ATXN1: variants seen among roughly 807,000 people sequenced by gnomAD.
ATXN1 encodes the protein ataxin 1.
ATXN1 carries 8 observed loss-of-function variants against 56.4 expected under a neutral mutation model. The observed-to-expected ratio is 0.14, with a 90% CI of 0.08 to 0.26. The LOEUF is 0.26. Ranked by LOEUF, ATXN1 falls within the 10% of genes least tolerant of loss-of-function variation. The probability of loss-of-function intolerance (pLI) is 1.00; values close to 1 mark genes in which losing one functional copy is unlikely to be tolerated. For synonymous variants in ATXN1, 514 were observed against 494.6 expected (o/e 1.04, Z -0.52); for missense variants, 987 against 1,106.5 (o/e 0.89, Z 1.53).
rs1314514799 is a variant in ATXN1 at position 16,761,395 on chromosome 6, G to C, written c.-827C>G. The C allele has an allele frequency of 6.6e-6, 3 of 456,602 alleles. No individual in the cohort carries two copies. The highest frequency in any genetic ancestry group is 1.4e-4 in the East Asian group (2 of 14,380). The allele number at this position is 456,602 out of a possible 1,614,324, so 28.3% of individuals were successfully genotyped here. ...GCTGTTGCTCTGGCTGCTGCTCCACGGGGCTTGTTTTGGATCCCCCTGCAG... is the reference window on the plus strand; with the variant it reads ...GCTGTTGCTCTGGCTGCTGCTCCACCGGGCTTGTTTTGGATCCCCCTGCAG... On this transcript the variant is annotated 5_prime_UTR_variant, in exon 1 of 8. Coordinates refer to ENST00000436367, the MANE Select transcript of ATXN1 (RefSeq NM_001128164.2).
At chr6:16,676,613 G>A (rs890657534) in intron 2 of ATXN1, among the ~76,000 whole-genome samples, 9 of 152,146 alleles carry the variant, frequency 5.9e-5, no homozygotes, top group Non-Finnish European at 1.2e-4. Context: ...AGTATGCCAC[G>A]ATTATGAAAG....
chr6:16,572,470 C>T (rs1762349843), intron 4 of ATXN1, among the ~76,000 whole-genome samples: 1 of 152,152 alleles, frequency 6.6e-6, no homozygotes, highest in African/African-American at 2.4e-5. Flanking sequence ...CAAGGCCATA[C>T]CTCCCCAAGA....
chr6:16,671,957 A>C (rs1758549301), intron 2 of ATXN1, among the ~76,000 whole-genome samples: 1 of 152,210 alleles, frequency 6.6e-6, no homozygotes, highest in Non-Finnish European at 1.5e-5. Flanking sequence ...CTTTGTTTTA[A>C]AATAGGTATT....
intron 7 of ATXN1, among the ~76,000 whole-genome samples, chr6:16,320,300 G>A (rs749878100): frequency 7.2e-5 from 11 of 152,184 alleles, no homozygotes; most frequent in East Asian, 5.8e-4. Context: ...ACTGCTGTAC[G>A]AGCACACACA....
At position 16,333,121 on chromosome 6, in the gene ATXN1, A is replaced by G. The variant is rs566701867; in HGVS notation, c.-160-4651T>C. The stretch of plus-strand genomic sequence containing the variant: ...GATGGAGCCTCGGAGATAAACATCT[A>G]ATATTTAGGTGATGCTCCACTGCTT... On this transcript the variant is annotated intron_variant, in intron 6 of 7. Coordinates refer to ENST00000436367, the MANE Select transcript of ATXN1 (RefSeq NM_001128164.2). Among the ~76,000 whole-genome samples the G allele has an allele frequency of 5.4e-4, 82 of 152,356 alleles. 1 individual carries two copies. Among genetic ancestry groups the G allele is most frequent in the African/African-American group, 1.8e-3 (74 of 41,588 alleles).
chr6:16,421,740 A>G (rs1759037914), intron 6 of ATXN1, among the ~76,000 whole-genome samples: 1 of 147,856 alleles, frequency 6.8e-6, no homozygotes, highest in Admixed American at 6.7e-5. Flanking sequence ...GTGCACACAA[A>G]TGCACATGTG....
intron 6 of ATXN1, among the ~76,000 whole-genome samples, chr6:16,479,642 G>A (rs929181709): frequency 6.6e-6 from 1 of 152,184 alleles, no homozygotes; most frequent in Non-Finnish European, 1.5e-5. Flanking sequence ...ACTAAACAAT[G>A]TCAACTAGTT....
At chr6:16,540,894 C>A (rs1761702111) in intron 4 of ATXN1, among the ~76,000 whole-genome samples, 2 of 152,092 alleles carry the variant, frequency 1.3e-5, no homozygotes, top group South Asian at 4.1e-4. Flanking sequence ...TCTAATTAAT[C>A]CTTAAATTGC....
intron 6 of ATXN1, among the ~76,000 whole-genome samples, chr6:16,363,929 C>T (rs149109693): frequency 1.8e-3 from 269 of 152,334 alleles, no homozygotes; most frequent in South Asian, 3.5e-3. Context: ...AAAATAAAAT[C>T]CCAACCTAAA....
intron 6 of ATXN1, among the ~76,000 whole-genome samples, chr6:16,444,202 A>G (rs1759587967): frequency 6.6e-6 from 1 of 152,150 alleles, no homozygotes; most frequent in Non-Finnish European, 1.5e-5. Flanking sequence ...TGTCCACTGG[A>G]AAGGAAAAAC....
At chr6:16,422,039 A>G (rs1581751170) in intron 6 of ATXN1, among the ~76,000 whole-genome samples, 1 of 149,516 alleles carries the variant, frequency 6.7e-6, no homozygotes, top group Non-Finnish European at 1.5e-5. Flanking sequence ...CTTTTGAAGT[A>G]TATAAGGGTT....
intron 6 of ATXN1, among the ~76,000 whole-genome samples, chr6:16,434,161 T>C (rs1175894040): frequency 6.6e-6 from 1 of 152,206 alleles, no homozygotes; most frequent in Non-Finnish European, 1.5e-5. Context: ...CCCAGTTAAG[T>C]CTTAATTATC....
At chr6:16,610,647 T>C (rs969890308) in intron 3 of ATXN1, among the ~76,000 whole-genome samples, 4 of 152,098 alleles carry the variant, frequency 2.6e-5, no homozygotes, top group African/African-American at 9.7e-5. Context: ...TCATAGAATA[T>C]ATTTGAAGAA....
chr6:16,751,748 T>C (rs777800151), intron 2 of ATXN1, among the ~76,000 whole-genome samples: 1 of 152,228 alleles, frequency 6.6e-6, no homozygotes, highest in Non-Finnish European at 1.5e-5. Flanking sequence ...TATTTACATA[T>C]TTCTAGTCAT....
chr6:16,367,354 TCTCTCTCTCA>T (rs947448826), intron 6 of ATXN1, among the ~76,000 whole-genome samples: 7 of 117,932 alleles, frequency 5.9e-5, no homozygotes, highest in South Asian at 6.3e-4. Flanking sequence ...TCTCTCTCTC[TCTCTCTCTCA>T]CACACACACA....
At chr6:16,370,340 T>C (rs914906476) in intron 6 of ATXN1, among the ~76,000 whole-genome samples, 46 of 152,170 alleles carry the variant, frequency 3.0e-4, no homozygotes, top group Admixed American at 5.9e-4. Flanking sequence ...CTAATAGTAA[T>C]CAAAGATCTA....
intron 2 of ATXN1, among the ~76,000 whole-genome samples, chr6:16,672,726 T>C (rs1196488510): frequency 6.6e-6 from 1 of 151,576 alleles, no homozygotes; most frequent in Non-Finnish European, 1.5e-5. Context: ...ATCTAGACAA[T>C]GGAAAAAGGT....
At chr6:16,753,380 T>A (rs1000243339) in intron 1 of ATXN1, 33 bp from the exon 2 acceptor site, 6 of 455,808 alleles carry the variant, frequency 1.3e-5, no homozygotes, top group Admixed American at 1.2e-4. Context: ...GGAGAGGAAA[T>A]CCAAAATGAA....
chr6:16,379,228 A>G (rs1267689177), intron 6 of ATXN1, among the ~76,000 whole-genome samples: 1 of 152,174 alleles, frequency 6.6e-6, no homozygotes, highest in African/African-American at 2.4e-5. Context: ...CAAAGGCATA[A>G]GAATGATACA....
Sources: gnomAD v4.1 joint callset for allele counts (sites outside exome capture counted in the v4.1 genomes callset) on GRCh38, gnomAD v4.1.1 for gene constraint, MANE v1.5 for transcripts, NCBI Gene and HGNC (gene_info 2026-07-23, HGNC 2026-07-21) for gene names.